The following ASXL3 variants were observed in gnomAD, a reference collection of about 807,000 sequenced individuals.
ASXL3 encodes putative Polycomb group protein ASXL3.
ASXL3 carries 34 observed loss-of-function variants against 170.6 expected under a neutral mutation model. The ratio of observed to expected loss-of-function variants is 0.20; its 90% confidence interval spans 0.15 to 0.27. The LOEUF (loss-of-function observed/expected upper bound fraction) is 0.27. Among genes scored for constraint, ASXL3 ranks in the 10% least tolerant of loss-of-function variants. ASXL3 has a pLI of 1.00. For synonymous variants in ASXL3, 1,002 were observed against 989.1 expected (o/e 1.01, Z -0.24); for missense variants, 2,592 against 2,695.3 (o/e 0.96, Z 0.85).
At chr18:33,662,821 A>G (rs1475245424) in intron 5 of ASXL3, among the ~76,000 whole-genome samples, 1 of 152,164 alleles carries the variant, frequency 6.6e-6, no homozygotes, top group East Asian at 1.9e-4. Context: ...TATGTTTTCT[A>G]AAATAGAGTT....
At chr18:33,614,872 A>C (rs1179912579) in intron 2 of ASXL3, 1 of 151,920 alleles carries the variant, frequency 6.6e-6, no homozygotes, top group Non-Finnish European at 1.5e-5. Flanking sequence ...TAAAATATTC[A>C]GTAAACCATG....
intron 2 of ASXL3, among the ~76,000 whole-genome samples, chr18:33,620,966 TTTACTGTTGTTTA>T (rs1176010700): frequency 6.6e-6 from 1 of 152,110 alleles, no homozygotes; most frequent in Non-Finnish European, 1.5e-5. Context: ...ACATGGACCA[TTTACTGTTGTTTA>T]TTACTATCCC....
intron 1 of ASXL3, among the ~76,000 whole-genome samples, chr18:33,598,049 C>T (rs1182369777): frequency 6.6e-6 from 1 of 152,086 alleles, no homozygotes; most frequent in African/African-American, 2.4e-5. Context: ...CTGGGTATCC[C>T]TGTTGTCTGT....
chr18:33,586,707 T>C (rs1029718619), intron 1 of ASXL3, among the ~76,000 whole-genome samples: 3 of 152,144 alleles, frequency 2.0e-5, no homozygotes, highest in Non-Finnish European at 2.9e-5. Context: ...TGTCAAGTCT[T>C]CTCTGATGAG....
At position 33,645,123 on chromosome 18, in the gene ASXL3, C is replaced by T. The variant is rs577788569; in HGVS notation, c.246+121C>T. ...TGACTCCTATGCCTTTAAATGTTTA[C>T]AGATGTCTTAGAAATGATTTCATAT... On this transcript the variant is annotated intron_variant, in intron 3 of 11. Coordinates refer to ENST00000269197, the MANE Select transcript of ASXL3 (RefSeq NM_030632.3). The T allele has an allele frequency of 1.3e-4, 68 of 507,908 alleles. No homozygotes were observed. The East Asian group carries it at 2.1e-3, about 16-fold the overall frequency. The allele number at this position is 507,908 out of a possible 1,614,324, so 31.5% of individuals were successfully genotyped here. A position where few individuals can be genotyped will look rare whatever the true frequency, so the allele number is the denominator to read the frequency against.
chr18:33,718,207 C>G (rs996787729), intron 8 of ASXL3, among the ~76,000 whole-genome samples: 4 of 152,244 alleles, frequency 2.6e-5, no homozygotes, highest in Middle Eastern at 3.4e-3. Flanking sequence ...TTATAGTCTG[C>G]TCTTTCTAAT....
chr18:33,740,534 T>C, intron 11 of ASXL3, 91 bp downstream of exon 11: 1 of 1,272,590 alleles, frequency 7.9e-7, no homozygotes, highest in Non-Finnish European at 1.1e-6. Context: ...ATTTTCTTCC[T>C]TCTAGGTTTT....
chr18:33,633,292 T>C (rs948620627), intron 2 of ASXL3, among the ~76,000 whole-genome samples: 1 of 152,168 alleles, frequency 6.6e-6, no homozygotes, highest in Admixed American at 6.5e-5. Context: ...ATAAAACTCT[T>C]TATTGTAGCA....
intron 7 of ASXL3, among the ~76,000 whole-genome samples, chr18:33,678,820 TA>T (rs1433635738): frequency 5.3e-5 from 8 of 152,222 alleles, no homozygotes; most frequent in African/African-American, 1.9e-4. Flanking sequence ...TAAGGATAAT[TA>T]AAATGGAATT....
chr18:33,697,943 A>G (rs1241500040), intron 8 of ASXL3, among the ~76,000 whole-genome samples: 1 of 152,082 alleles, frequency 6.6e-6, no homozygotes, highest in Non-Finnish European at 1.5e-5. Context: ...ACCTATAACT[A>G]CATTGTTTTC....
intron 8 of ASXL3, among the ~76,000 whole-genome samples, chr18:33,691,034 A>G (rs1007334806): frequency 3.9e-5 from 6 of 152,120 alleles, no homozygotes; most frequent in African/African-American, 1.2e-4. Context: ...CCTTCTCTAC[A>G]CGCTTACAAT....
At position 33,597,806 on chromosome 18, in the gene ASXL3, A is replaced by C. The variant is rs577160490; in HGVS notation, c.55-9788A>C. ...TTCTCTCATCTACAAAAAAAAAAAA[A>C]CAAAAAAAACAAAAAACAAACAAAA... is the stretch of plus-strand genomic sequence containing the variant. On this transcript the variant is annotated intron_variant, in intron 1 of 11. Transcript: ENST00000269197. 7.9e-4 allele frequency among the ~76,000 whole-genome samples: 113 copies of C among 143,928 alleles called. 1 individual carries two copies. The East Asian group carries it at 9.4e-3, about 12-fold the overall frequency. The allele number at this position is 143,928 out of a possible 152,430, so 94.4% of individuals were successfully genotyped here. A position where few individuals can be genotyped will look rare whatever the true frequency, so the allele number is the denominator to read the frequency against.
chr18:33,669,209 A>G (rs1428797140), intron 5 of ASXL3, among the ~76,000 whole-genome samples: 1 of 152,220 alleles, frequency 6.6e-6, no homozygotes, highest in African/African-American at 2.4e-5. Context: ...TTATGTATAC[A>G]TCTTGAAGAA....
chr18:33,722,568 A>G (rs1333692326), intron 8 of ASXL3, among the ~76,000 whole-genome samples: 4 of 152,148 alleles, frequency 2.6e-5, no homozygotes, highest in Admixed American at 6.6e-5. Flanking sequence ...AAGATGTGCT[A>G]GAAGGGAACT....
intron 2 of ASXL3, among the ~76,000 whole-genome samples, chr18:33,629,235 G>A (rs1197796953): frequency 6.6e-6 from 1 of 152,108 alleles, no homozygotes; most frequent in South Asian, 2.1e-4. Context: ...CTTAGCTTTA[G>A]TGAGATATTG....
At chr18:33,698,369 A>G (rs2145319559) in intron 8 of ASXL3, among the ~76,000 whole-genome samples, 1 of 152,208 alleles carries the variant, frequency 6.6e-6, no homozygotes, top group East Asian at 1.9e-4. Flanking sequence ...TAAATTACCC[A>G]GTCTTGAGTG....
intron 8 of ASXL3, among the ~76,000 whole-genome samples, chr18:33,726,016 G>T (rs1035607428): frequency 6.6e-6 from 1 of 151,952 alleles, no homozygotes; most frequent in African/African-American, 2.4e-5. Flanking sequence ...CTTTGTCCAG[G>T]GCATCCTCTA....
At chr18:33,627,561 C>G (rs2065620846) in intron 2 of ASXL3, among the ~76,000 whole-genome samples, 1 of 152,038 alleles carries the variant, frequency 6.6e-6, no homozygotes, top group African/African-American at 2.4e-5. Context: ...GTTGTAGTCT[C>G]CTTGTTCACT....
At position 33,745,826 on chromosome 18, in the gene ASXL3, A is replaced by G. The variant is rs531193404; in HGVS notation, c.5978A>G (p.Asn1993Ser). 40 of 1,613,844 alleles carry G rather than the reference A, an allele frequency of 2.5e-5. 2 individuals are homozygous for G. The South Asian group carries it at 3.0e-4, about 12-fold the overall frequency. ...AGGTTAGCCAACATGTTATCCCCCA[A>G]TATGCCCATGAAAGAAGGTGATGAG... ...QLRLANMLSP[N>S]MPMKEGDEVG... The change falls in exon 12 of 12, where the codon AAT becomes AGT. Residue 1993 changes from asparagine (N) to serine (S), a missense_variant. Physicochemically the swap from Asn to Ser is conservative, Grantham distance 46. Around this residue, in one of 4 missense-constraint regions of ASXL3, gnomAD observed 2,246 missense variants for 2,219.6 expected, o/e 1.01. Transcript: ENST00000269197.
Sources: allele counts gnomAD v4.1 joint callset (sites outside exome capture counted in the v4.1 genomes callset), GRCh38; gene constraint gnomAD v4.1.1; regional missense constraint gnomAD v4.1.1; transcripts MANE v1.5; gene names NCBI Gene and HGNC (gene_info 2026-07-23, HGNC 2026-07-21).